NUP62CL: variants seen among roughly 807,000 people sequenced by gnomAD.
NUP62CL encodes nucleoporin-62 C-terminal-like protein.
A neutral mutation model predicts 15.3 loss-of-function variants in NUP62CL; 13 were observed. That is an observed-to-expected ratio of 0.85 (90% confidence interval 0.55 to 1.35). The LOEUF (loss-of-function observed/expected upper bound fraction) is 1.35, where lower values mean the gene tolerates loss of function less well. NUP62CL is among the 40% of genes most tolerant of loss of function. The pLI, the probability that NUP62CL is intolerant of heterozygous loss-of-function variation, is 0.00. For synonymous variants in NUP62CL, 54 were observed against 49.2 expected, an observed-to-expected ratio of 1.10 and a Z score of -0.41; for missense variants, 123 against 130.6, an observed-to-expected ratio of 0.94 and a Z score of 0.28.
chrX:107,184,541 A>G (rs904313191), intron 2 of NUP62CL, among the ~76,000 whole-genome samples: 22 of 111,429 alleles, frequency 2.0e-4, no homozygotes, highest in African/African-American at 6.2e-4. Context: ...TCCAATCCAA[A>G]CAACAGGGAA....
chrX:107,134,796 C>T (rs758398111), intron 8 of NUP62CL, among the ~76,000 whole-genome samples: 2 of 111,870 alleles, frequency 1.8e-5, no homozygotes, highest in East Asian at 5.6e-4. Context: ...TGGAAAATGA[C>T]TTACCTTGAT....
intron 8 of NUP62CL, among the ~76,000 whole-genome samples, chrX:107,146,361 T>C (rs1322583361): frequency 8.9e-6 from 1 of 111,904 alleles, no homozygotes. Context: ...ACAATTAAAA[T>C]GGGTGAACTT....
chrX:107,135,249 T>C (rs1422273183), intron 8 of NUP62CL, among the ~76,000 whole-genome samples: 2 of 111,580 alleles, frequency 1.8e-5, no homozygotes, highest in East Asian at 2.8e-4. Flanking sequence ...AGTTCTGGAA[T>C]TGACATGGAA....
chrX:107,144,997 G>C (rs1033581378), intron 8 of NUP62CL, among the ~76,000 whole-genome samples: 1 of 111,359 alleles, frequency 9.0e-6, no homozygotes, highest in Non-Finnish European at 1.9e-5. Context: ...TAACAATTAA[G>C]GTCACACAAC....
chrX:107,200,730 C>T (rs748748169), intron 1 of NUP62CL, among the ~76,000 whole-genome samples: 6 of 108,225 alleles, frequency 5.5e-5, no homozygotes, highest in Non-Finnish European at 1.9e-5. Flanking sequence ...GGTATGGCAG[C>T]TTGGAAAGGG....
intron 8 of NUP62CL, 85 bp downstream of exon 8, chrX:107,147,658 G>T: frequency 1.7e-6 from 1 of 577,294 alleles, no homozygotes; most frequent in Non-Finnish European, 3.1e-6. Context: ...TTTTATATGA[G>T]TTTGGTCATG....
chrX:107,131,834 A>G (rs1008658017), intron 8 of NUP62CL: 9 of 1,079,904 alleles, frequency 8.3e-6, no homozygotes, highest in Non-Finnish European at 1.2e-5. Context: ...GAGTATGAAG[A>G]CACTCTTGGG....
chrX:107,190,672 G>T lies in NUP62CL; in HGVS notation c.-48+2357C>A, dbSNP rs763952377. 2.7e-3 allele frequency among the ~76,000 whole-genome samples: 307 copies of T among 111,651 alleles called. 2 individuals carry two copies. The highest frequency in any genetic ancestry group is 9.4e-3 in the African/African-American group (289 of 30,666). On this transcript the variant is annotated intron_variant, in intron 2 of 8. Transcript: ENST00000372466. Reference sequence around the variant, plus strand: ...TTGAATACTGTGCTTCTCCATTAGAGAGCAGAGTTCAAACCTTACTTGTGG... The same window carrying T: ...TTGAATACTGTGCTTCTCCATTAGATAGCAGAGTTCAAACCTTACTTGTGG...
intron 2 of NUP62CL, among the ~76,000 whole-genome samples, chrX:107,176,210 T>C (rs1319017020): frequency 9.0e-6 from 1 of 111,036 alleles, no homozygotes; most frequent in East Asian, 2.8e-4. Context: ...AAATGGAGAT[T>C]TGGGAGGTAA....
At chrX:107,204,893 A>ATTATTTAAATAAATTTTAAATAAATTAT (rs1363231737) in intron 1 of NUP62CL, among the ~76,000 whole-genome samples, 650 of 58,265 alleles carry the variant, frequency 0.011, 23 homozygotes, top group East Asian at 0.025. Flanking sequence ...TTTTAAATAA[A>ATTATTTAAATAAATTTTAAATAAATTAT]TTATTTAAAT....
intron 2 of NUP62CL, among the ~76,000 whole-genome samples, chrX:107,185,556 T>C (rs1349846701): frequency 3.6e-5 from 4 of 111,168 alleles, no homozygotes; most frequent in African/African-American, 1.3e-4. Context: ...GTATACTGTA[T>C]ATGATATCTA....
intron 6 of NUP62CL, 50 bp downstream of exon 6, chrX:107,153,404 A>G: frequency 2.7e-6 from 3 of 1,104,563 alleles, no homozygotes; most frequent in Non-Finnish European, 3.6e-6. Flanking sequence ...AAAACACTGA[A>G]TAAAAAGATA....
At chrX:107,188,812 A>G (rs1039924735) in intron 2 of NUP62CL, among the ~76,000 whole-genome samples, 4 of 112,110 alleles carry the variant, frequency 3.6e-5, no homozygotes, top group Middle Eastern at 9.4e-3. Context: ...ATTTCTATAT[A>G]CTAGTGATGA....
chrX:107,182,410 T>C lies in NUP62CL; in HGVS notation c.-47-7217A>G, dbSNP rs1175464555. Among the ~76,000 whole-genome samples the C allele has an allele frequency of 3.6e-5, 4 of 112,341 alleles. No homozygotes were observed. In the East Asian group the frequency reaches 1.1e-3, roughly 31 times the overall value. On this transcript the variant is annotated intron_variant, in intron 2 of 8. Coordinates refer to ENST00000372466, the MANE Select transcript of NUP62CL (RefSeq NM_017681.3). ...CTACTGAACTAGAAGAAGGGTTCAA[T>C]ATCACAATTTCCTCCATCTAGTGCT...
intron 3 of NUP62CL, among the ~76,000 whole-genome samples, chrX:107,170,958 A>G (rs1239223875): frequency 8.9e-6 from 1 of 112,161 alleles, no homozygotes; most frequent in Non-Finnish European, 1.9e-5. Flanking sequence ...AAAACTACAC[A>G]CTAAATTTGA....
rs1234873584 is a variant in NUP62CL, at chrX:107,202,840, G to GA, written c.-92+3432dup. Among the ~76,000 whole-genome samples the GA allele has an allele frequency of 2.5e-3, 238 of 93,559 alleles. 1 individual carries two copies. Among genetic ancestry groups the GA allele is most frequent in the African/African-American group, 6.7e-3 (174 of 25,817 alleles). The allele number at this position is 93,559 out of a possible 115,157, so 81.2% of individuals were successfully genotyped here. On this transcript the variant is annotated intron_variant, in intron 1 of 8. Coordinates refer to ENST00000372466, the MANE Select transcript of NUP62CL (RefSeq NM_017681.3). Reference sequence around the variant, plus strand: ...GTGAAGCCCAGTCCCTACCAAAAAAGAAAAAAAAAAAAATTAGCCAGGTAT... The same window carrying GA: ...GTGAAGCCCAGTCCCTACCAAAAAAGAAAAAAAAAAAAAATTAGCCAGGTAT...
intron 2 of NUP62CL, among the ~76,000 whole-genome samples, chrX:107,186,183 A>C (rs1017440513): frequency 8.9e-6 from 1 of 111,961 alleles, no homozygotes; most frequent in East Asian, 2.8e-4. Flanking sequence ...GCAAGGATAC[A>C]GAAGAACTCA....
chrX:107,166,756 G>C (rs1339442498), intron 4 of NUP62CL, among the ~76,000 whole-genome samples: 2 of 111,421 alleles, frequency 1.8e-5, no homozygotes, highest in Non-Finnish European at 3.8e-5. Context: ...AGAACAAACT[G>C]TTGATGCACA....
intron 8 of NUP62CL, among the ~76,000 whole-genome samples, chrX:107,129,870 A>T (rs1925471988): frequency 1.8e-5 from 2 of 112,136 alleles, no homozygotes; most frequent in Non-Finnish European, 3.8e-5. Flanking sequence ...CCTCAAAGAG[A>T]TAATACTGAA....
Sources: allele counts gnomAD v4.1 joint callset (sites outside exome capture counted in the v4.1 genomes callset), GRCh38; gene constraint gnomAD v4.1.1; transcripts MANE v1.5; gene names NCBI Gene and HGNC (gene_info 2026-07-23, HGNC 2026-07-21).